The following FGGY variants were observed in gnomAD, a reference collection of about 807,000 sequenced individuals.
The protein encoded by FGGY is FGGY carbohydrate kinase domain-containing protein.
FGGY carries 72 observed loss-of-function variants against 71.3 expected under a neutral mutation model. The ratio of observed to expected loss-of-function variants is 1.01; its 90% confidence interval spans 0.84 to 1.23. The LOEUF (loss-of-function observed/expected upper bound fraction) is 1.23. Among genes scored for constraint, FGGY ranks in the 50% most tolerant of loss-of-function variants. The pLI is 0.00. For missense variants in FGGY, 668 were observed against 682.3 expected, an observed-to-expected ratio of 0.98 and a Z score of 0.23; for synonymous variants, 251 against 250.3, an observed-to-expected ratio of 1.00 and a Z score of -0.02.
chr1:59,566,066 AT>A lies in FGGY; in HGVS notation c.903+11849del, dbSNP rs71905165. 8.2e-3 allele frequency among the ~76,000 whole-genome samples: 1,230 copies of A among 149,624 alleles called. 16 individuals carry two copies. Among genetic ancestry groups the A allele is most frequent in the African/African-American group, 0.027 (1,116 of 40,752 alleles). On this transcript the variant is annotated intron_variant, in intron 8 of 15. Coordinates refer to ENST00000303721, the MANE Select transcript of FGGY (RefSeq NM_018291.5). ...GGAGAGCATGATGAAAACCACATTGATTTTTTTTTTCCTTTTCCTATTTACC... is the reference window on the plus strand; with the variant it reads ...GGAGAGCATGATGAAAACCACATTGATTTTTTTTTCCTTTTCCTATTTACC...
At chr1:59,667,066 G>A (rs1052882833) in intron 12 of FGGY, among the ~76,000 whole-genome samples, 8 of 152,318 alleles carry the variant, frequency 5.3e-5, no homozygotes, top group African/African-American at 1.9e-4. Flanking sequence ...GTAATTAAGA[G>A]GGTTTTGGAA....
intron 8 of FGGY, among the ~76,000 whole-genome samples, chr1:59,571,397 G>T (rs1328445110): frequency 6.6e-6 from 1 of 152,172 alleles, no homozygotes; most frequent in Non-Finnish European, 1.5e-5. Context: ...AGACTGTACA[G>T]TGTAGTGGAG....
chr1:59,692,732 C>T (rs2097603777), intron 14 of FGGY, among the ~76,000 whole-genome samples: 1 of 151,908 alleles, frequency 6.6e-6, no homozygotes, highest in Non-Finnish European at 1.5e-5. Context: ...ATCAGCCTAG[C>T]AATAATAAAC....
At chr1:59,512,090 GT>G in intron 6 of FGGY, among the ~76,000 whole-genome samples, 1 of 152,168 alleles carries the variant, frequency 6.6e-6, no homozygotes, top group East Asian at 1.9e-4. Context: ...ATGCTTTAGA[GT>G]TCCTTGTTTG....
intron 5 of FGGY, 32 bp downstream of exon 5, chr1:59,378,869 G>C (rs531632937): frequency 6.4e-7 from 1 of 1,558,264 alleles, no homozygotes; most frequent in Admixed American, 1.7e-5. Flanking sequence ...TTGTGTTTGC[G>C]TTCTTCCATT....
chr1:59,438,323 T>C (rs745741780), intron 5 of FGGY, among the ~76,000 whole-genome samples: 1 of 152,254 alleles, frequency 6.6e-6, no homozygotes, highest in Non-Finnish European at 1.5e-5. Flanking sequence ...TTCTGGCTGC[T>C]TACTTGAGAG....
At chr1:59,549,281 G>T (rs763816149) in intron 7 of FGGY, among the ~76,000 whole-genome samples, 56 of 152,168 alleles carry the variant, frequency 3.7e-4, no homozygotes, top group Non-Finnish European at 7.2e-4. Context: ...TCATCAGTCA[G>T]TTCATTCATC....
At chr1:59,590,678 A>C (rs2096414156) in intron 8 of FGGY, among the ~76,000 whole-genome samples, 1 of 152,246 alleles carries the variant, frequency 6.6e-6, no homozygotes, top group Non-Finnish European at 1.5e-5. Flanking sequence ...ACAGAACCAA[A>C]GGAAAAAACC....
chr1:59,583,465 A>G (rs1378418679), intron 8 of FGGY, among the ~76,000 whole-genome samples: 2 of 143,716 alleles, frequency 1.4e-5, no homozygotes, highest in Non-Finnish European at 3.0e-5. Context: ...TCATTTCTTC[A>G]TCTAAGAACA....
At chr1:59,313,151 G>C (rs1165116824) in intron 1 of FGGY, among the ~76,000 whole-genome samples, 1 of 152,146 alleles carries the variant, frequency 6.6e-6, no homozygotes, top group African/African-American at 2.4e-5. Flanking sequence ...CATGGTAGAA[G>C]GGGCAAGAGT....
At position 59,344,234 on chromosome 1, in the gene FGGY, G is replaced by GTCAAACCA. The variant is rs1553152279; in HGVS notation, c.314-2013_314-2012insTCAAACCA. On this transcript the variant is annotated intron_variant, in intron 3 of 15. Transcript: ENST00000303721. ...GTGGGAGGTGATATCTTTCCAGTTA[G>GTCAAACCA]GCAACTGAGCCCCTGCCTTGTTATG... 2.8e-3 allele frequency among the ~76,000 whole-genome samples: 431 copies of GTCAAACCA among 151,966 alleles called. 4 individuals are homozygous for GTCAAACCA. The highest frequency in any genetic ancestry group is 9.5e-3 in the African/African-American group (393 of 41,458).
chr1:59,631,776 C>CA, intron 10 of FGGY, among the ~76,000 whole-genome samples: 1 of 152,186 alleles, frequency 6.6e-6, no homozygotes, highest in African/African-American at 2.4e-5. Flanking sequence ...AAGTGTTTTG[C>CA]AAGCTTATAA....
intron 5 of FGGY, among the ~76,000 whole-genome samples, chr1:59,405,010 G>A (rs774031042): frequency 8.5e-5 from 13 of 152,162 alleles, no homozygotes; most frequent in Admixed American, 6.6e-5. Context: ...GTGAAATCAC[G>A]AAAGATTGGA....
intron 8 of FGGY, among the ~76,000 whole-genome samples, chr1:59,591,746 C>T (rs1320726562): frequency 6.6e-6 from 1 of 152,150 alleles, no homozygotes; most frequent in East Asian, 1.9e-4. Context: ...ATGTAGAAAG[C>T]TGAAACTGGA....
intron 2 of FGGY, among the ~76,000 whole-genome samples, chr1:59,337,048 C>CATATATATATATATATAT (rs35698016): frequency 7.0e-5 from 10 of 142,030 alleles, no homozygotes; most frequent in African/African-American, 2.4e-4. Context: ...TGTATATAGT[C>CATATATATATATATATAT]ATATATATAT....
intron 14 of FGGY, among the ~76,000 whole-genome samples, chr1:59,734,278 A>G (rs945627559): frequency 6.6e-6 from 1 of 152,106 alleles, no homozygotes; most frequent in Non-Finnish European, 1.5e-5. Flanking sequence ...ATAACAGCTC[A>G]CTGCAGCCTT....
At chr1:59,466,611 C>A (rs2092646240) in intron 6 of FGGY, among the ~76,000 whole-genome samples, 1 of 152,154 alleles carries the variant, frequency 6.6e-6, no homozygotes, top group East Asian at 1.9e-4. Flanking sequence ...GCTCATCTGA[C>A]AAAGGGCTAG....
intron 8 of FGGY, among the ~76,000 whole-genome samples, chr1:59,592,101 A>C (rs2096453612): frequency 6.6e-6 from 1 of 151,832 alleles, no homozygotes; most frequent in Admixed American, 6.6e-5. Context: ...AAGAAAAAGC[A>C]ACCCCATCAA....
intron 11 of FGGY, among the ~76,000 whole-genome samples, chr1:59,646,407 A>G (rs1558658575): frequency 6.6e-6 from 1 of 151,706 alleles, no homozygotes; most frequent in Non-Finnish European, 1.5e-5. Flanking sequence ...TTCTGATTAT[A>G]TATATATAAT....
Sources: gnomAD v4.1 joint callset for allele counts (sites outside exome capture counted in the v4.1 genomes callset) on GRCh38, gnomAD v4.1.1 for gene constraint, MANE v1.5 for transcripts, NCBI Gene and HGNC (gene_info 2026-07-23, HGNC 2026-07-21) for gene names.